SYN3: variants seen among roughly 807,000 people sequenced by gnomAD.
The protein encoded by SYN3 is synapsin-3.
In SYN3, 35 loss-of-function variants were observed where a neutral mutation model predicts 65.8. The observed-to-expected ratio is 0.53, with a 90% confidence interval of 0.41 to 0.70. SYN3 has a LOEUF of 0.70. Among genes scored for constraint, SYN3 ranks in the 30% least tolerant of loss-of-function variants. The pLI is 0.00. For synonymous variants in SYN3, 270 were observed against 292.9 expected (o/e 0.92, Z 0.80); for missense variants, 680 against 749.0 (o/e 0.91, Z 1.08).
At chr22:32,846,866 A>G (rs2048079500) in intron 6 of SYN3, among the ~76,000 whole-genome samples, 1 of 152,212 alleles carries the variant, frequency 6.6e-6, no homozygotes, top group South Asian at 2.1e-4. Flanking sequence ...ACAAAAACGT[A>G]TTCTTTTCAC....
At chr22:32,903,729 T>C (rs531817721) in intron 4 of SYN3, among the ~76,000 whole-genome samples, 2 of 152,344 alleles carry the variant, frequency 1.3e-5, no homozygotes, top group Admixed American at 1.3e-4. Flanking sequence ...GTCTCAGGCT[T>C]CAGATAAAAC....
chr22:32,684,100 GTTA>G (rs1312215500), intron 6 of SYN3, among the ~76,000 whole-genome samples: 1 of 152,188 alleles, frequency 6.6e-6, no homozygotes, highest in East Asian at 1.9e-4. Flanking sequence ...AACAACAGTG[GTTA>G]ATCAGAGTGC....
chr22:32,803,253 T>C (rs1384004400), intron 6 of SYN3, among the ~76,000 whole-genome samples: 1 of 152,028 alleles, frequency 6.6e-6, no homozygotes, highest in South Asian at 2.1e-4. Flanking sequence ...CGTGTGTGTT[T>C]TAAGTACAGT....
chr22:32,822,883 T>G (rs911135540), intron 6 of SYN3, among the ~76,000 whole-genome samples: 1 of 151,580 alleles, frequency 6.6e-6, no homozygotes, highest in Non-Finnish European at 1.5e-5. Context: ...GGTGCACTTT[T>G]GAGTAACAGA....
At chr22:32,910,382 G>A (rs1363836481) in intron 4 of SYN3, among the ~76,000 whole-genome samples, 1 of 152,100 alleles carries the variant, frequency 6.6e-6, no homozygotes, top group Non-Finnish European at 1.5e-5. Flanking sequence ...GAAACTAGGA[G>A]GCGCCTCTGT....
chr22:32,815,125 T>A (rs1569246119), intron 6 of SYN3, among the ~76,000 whole-genome samples: 1 of 152,358 alleles, frequency 6.6e-6, no homozygotes, highest in East Asian at 1.9e-4. Context: ...CAGGTCAAGA[T>A]AACATTTGCA....
At chr22:32,574,927 A>G (rs1176206046) in intron 7 of SYN3, among the ~76,000 whole-genome samples, 1 of 152,250 alleles carries the variant, frequency 6.6e-6, no homozygotes, top group Non-Finnish European at 1.5e-5. Context: ...GGGCTCTATG[A>G]GAGTAGGGAC....
At chr22:32,601,891 G>T (rs1398888287) in intron 6 of SYN3, among the ~76,000 whole-genome samples, 2 of 152,006 alleles carry the variant, frequency 1.3e-5, no homozygotes, top group African/African-American at 4.8e-5. Flanking sequence ...GGCCTGGACT[G>T]GGAAGAAATG....
At chr22:32,907,396 T>C (rs1004398841) in intron 4 of SYN3, among the ~76,000 whole-genome samples, 32 of 152,156 alleles carry the variant, frequency 2.1e-4, no homozygotes, top group African/African-American at 7.5e-4. Flanking sequence ...GCAAACACTG[T>C]GGGAAGATCC....
At chr22:32,839,712 G>A (rs528697142) in intron 6 of SYN3, among the ~76,000 whole-genome samples, 1 of 152,106 alleles carries the variant, frequency 6.6e-6, no homozygotes, top group African/African-American at 2.4e-5. Context: ...TAGAAGGAGC[G>A]ACTCTTAAAT....
chr22:32,711,480 C>G (rs2060965038), intron 6 of SYN3, among the ~76,000 whole-genome samples: 1 of 152,172 alleles, frequency 6.6e-6, no homozygotes, highest in Non-Finnish European at 1.5e-5. Flanking sequence ...AGAAGAGGAG[C>G]TGTTTCTAAG....
At chr22:32,888,991 A>T (rs905003182) in intron 4 of SYN3, among the ~76,000 whole-genome samples, 1 of 152,222 alleles carries the variant, frequency 6.6e-6, no homozygotes, top group Non-Finnish European at 1.5e-5. Flanking sequence ...CGGTCTCATC[A>T]CTGGGCCTCA....
chr22:32,556,800 CCTGGTT>C lies in SYN3; in HGVS notation c.775-15093_775-15088del, dbSNP rs1387321322. ...ACCCAATGACCCAATCTATAGGTTT[CCTGGTT>C]TTTTTTTTTTTTTTTTTTTTTTTTT... On this transcript the variant is annotated intron_variant, in intron 7 of 13. Transcript: ENST00000358763. Among the ~76,000 whole-genome samples, 22 of 12,002 alleles carry C rather than the reference CCTGGTT, an allele frequency of 1.8e-3. 1 individual carries two copies. The highest frequency in any genetic ancestry group is 3.9e-3 in the African/African-American group (16 of 4,148). The allele number at this position is 12,002 out of a possible 152,430, so 7.9% of individuals were successfully genotyped here.
intron 6 of SYN3, among the ~76,000 whole-genome samples, chr22:32,855,151 G>A (rs1013342958): frequency 6.6e-6 from 1 of 152,212 alleles, no homozygotes; most frequent in Non-Finnish European, 1.5e-5. Context: ...TGTGTACGCT[G>A]AGAACTGAGG....
intron 6 of SYN3, among the ~76,000 whole-genome samples, chr22:32,839,003 T>G: frequency 6.7e-6 from 1 of 149,968 alleles, no homozygotes. Flanking sequence ...TGGCCTGGGG[T>G]GGACAGAAGG....
chr22:32,722,051 G>A lies in SYN3; in HGVS notation c.712-125315C>T, dbSNP rs182050952. 2.5e-3 allele frequency among the ~76,000 whole-genome samples: 379 copies of A among 152,320 alleles called. 4 individuals are homozygous for A. Among genetic ancestry groups the A allele is most frequent in the Middle Eastern group, 3.4e-3 (1 of 294 alleles). ...ACCAGCATGGCAGGAGCAAATGAGC[G>A]AGAGGAAGAGCGGTGGAAGATGAGG... On this transcript the variant is annotated intron_variant, in intron 6 of 13. Coordinates refer to ENST00000358763, the MANE Select transcript of SYN3 (RefSeq NM_003490.4).
chr22:32,869,415 C>T (rs769558171), intron 4 of SYN3, among the ~76,000 whole-genome samples: 4 of 147,410 alleles, frequency 2.7e-5, no homozygotes, highest in Admixed American at 6.8e-5. Flanking sequence ...ATTTCATTTG[C>T]AACCAGAAAA....
chr22:32,814,328 A>AAAGAAAGAAAGAAAGAAAGGAAGAAAGG (rs1569245387), intron 6 of SYN3, among the ~76,000 whole-genome samples: 1 of 148,434 alleles, frequency 6.7e-6, no homozygotes, highest in Admixed American at 6.7e-5. Flanking sequence ...AGAAAGAAAG[A>AAAGAAAGAAAGAAAGAAAGGAAGAAAGG]AAGAAAGAAA....
In SYN3 at chr22:32,618,282, C is replaced by T. The variant is rs75101599; in HGVS notation, c.712-21546G>A. On this transcript the variant is annotated intron_variant, in intron 6 of 13. Coordinates refer to ENST00000358763, the MANE Select transcript of SYN3 (RefSeq NM_003490.4). ...GTAGGAAACTGATGCCTGAGTGGGG[C>T]GAGGAGGGTTCAGGTCTCCCCTTAG... is the stretch of plus-strand genomic sequence containing the variant. Among the ~76,000 whole-genome samples, 1,042 of 152,028 alleles carry T rather than the reference C, an allele frequency of 6.9e-3. 11 individuals are homozygous for T. The highest frequency in any genetic ancestry group is 0.024 in the African/African-American group (1,009 of 41,448).
Sources: allele counts gnomAD v4.1 joint callset (sites outside exome capture counted in the v4.1 genomes callset), GRCh38; gene constraint gnomAD v4.1.1; transcripts MANE v1.5; gene names NCBI Gene and HGNC (gene_info 2026-07-23, HGNC 2026-07-21).